TNK2: variants seen among roughly 807,000 people sequenced by gnomAD.
TNK2 encodes activated CDC42 kinase 1.
In TNK2, 83 loss-of-function variants were observed where a neutral mutation model predicts 101.8. That is an observed-to-expected ratio of 0.82 (90% CI 0.68 to 0.98). The LOEUF (loss-of-function observed/expected upper bound fraction) is 0.98, where lower values mean the gene tolerates loss of function less well. Among genes scored for constraint, TNK2 ranks in the 50% least tolerant of loss-of-function variants. TNK2 has a pLI of 0.00. For synonymous variants in TNK2, 804 were observed against 633.0 expected (o/e 1.27, Z -4.06); for missense variants, 1,665 against 1,483.2 (o/e 1.12, Z -2.01).
At chr3:195,873,618 TCTC>T (rs908694859) in intron 9 of TNK2, among the ~76,000 whole-genome samples, 1 of 152,026 alleles carries the variant, frequency 6.6e-6, no homozygotes, top group Non-Finnish European at 1.5e-5. Context: ...AACCCCCACT[TCTC>T]CTGTCCCAGG....
intron 1 of TNK2, among the ~76,000 whole-genome samples, chr3:195,894,956 G>A (rs143026587): frequency 6.6e-6 from 1 of 152,210 alleles, no homozygotes. Context: ...TCTCCTAAAA[G>A]ACTGAACCCC....
chr3:195,882,082 T>G lies in TNK2; in HGVS notation c.856A>C (p.Met286Leu), dbSNP rs771739935. ...AAGGGCACCTTGCGATGTTCCTGCATGACGTAATGGTCGTCATTCTGAGGT... is the reference window on the plus strand; with the variant it reads ...AAGGGCACCTTGCGATGTTCCTGCAGGACGTAATGGTCGTCATTCTGAGGT... ...ALPQNDDHYV[M>L]QEHRKVPFAW... The change falls in exon 6 of 16, where the codon ATG becomes CTG. Residue 286 changes from methionine (M) to leucine (L), a missense_variant. Physicochemically the swap from Met to Leu is conservative, Grantham distance 15. Transcript: ENST00000672887. This position sits in a 1 kb window ranked among gnomAD's most constrained non-coding sequence, Gnocchi z 4.2. The G allele has an allele frequency of 3.1e-6, 5 of 1,612,222 alleles. No homozygotes were observed. In the Admixed American group the frequency reaches 6.7e-5, roughly 21 times the overall value.
At chr3:195,907,333 C>T (rs550087964) in intron 1 of TNK2, among the ~76,000 whole-genome samples, 18 of 152,274 alleles carry the variant, frequency 1.2e-4, no homozygotes, top group Admixed American at 3.3e-4. Flanking sequence ...GCGGGCTAAC[C>T]GGCTCCTCCA....
Position 195,878,593 on chromosome 3 carries a change from C to G in TNK2, c.1015-1G>C, listed in dbSNP as rs539134756. On this transcript the variant is annotated splice_acceptor_variant, in intron 7 of 15. Transcript: ENST00000672887. LOFTEE classifies it high-confidence loss of function. The surrounding 1 kb of genome is among the most constrained non-coding windows in gnomAD (Gnocchi z 4.7). ...CCTCCTTGTCGATCTTATGCAGGAT[C>G]TGAAGGTGAGGAGGTGCAGAGTTTG... 6.2e-7 allele frequency: 1 copy of G among 1,612,038 alleles called. No homozygotes were observed. The highest frequency in any genetic ancestry group is 8.5e-7 in the Non-Finnish European group (1 of 1,179,462).
rs564644836 is a variant in TNK2 at position 195,867,983 on chromosome 3, G to A, written c.2315C>T (p.Ser772Phe). The change falls in exon 13 of 16, where the codon TCT becomes TTT. Residue 772 changes from serine (S) to phenylalanine (F), a missense_variant. By Grantham distance (155) the Ser-to-Phe change is radical (BLOSUM62 -2). Coordinates refer to ENST00000672887, the MANE Select transcript of TNK2 (RefSeq NM_001382273.1). ...CTCCTCCTCGCCCGGGGGGGCTGGA[G>A]ACAGCTGGACGTGTGGGCGCGTGGG... ...PRPTRPHVQL[S>F]PAPPGEEETS... 1.9e-6 allele frequency: 3 copies of A among 1,552,122 alleles called. No homozygotes were observed. Among genetic ancestry groups the A allele is most frequent in the Middle Eastern group, 1.7e-4 (1 of 5,896 alleles).
At chr3:195,903,843 T>G (rs760008881) in intron 1 of TNK2, among the ~76,000 whole-genome samples, 1 of 152,166 alleles carries the variant, frequency 6.6e-6, no homozygotes, top group African/African-American at 2.4e-5. Flanking sequence ...GCGCCCTATG[T>G]AGAAAATCCA....
intron 2 of TNK2, among the ~76,000 whole-genome samples, chr3:195,887,734 TG>T (rs936008905): frequency 6.6e-6 from 1 of 151,572 alleles, no homozygotes; most frequent in Admixed American, 6.6e-5. Flanking sequence ...CCTGTGTGTA[TG>T]TGCGTGTGTG....
Position 195,864,074 on chromosome 3 carries a change from G to GGA in TNK2, c.*105_*106dup. On this transcript the variant is annotated 3_prime_UTR_variant, in exon 16 of 16. Transcript: ENST00000672887. Reference sequence around the variant, plus strand: ...CCTTGCTCCATCCCCGGGAGCAGCAGGAGCAGCGGGTCCTCCAGGACTGGA... The same window carrying GGA: ...CCTTGCTCCATCCCCGGGAGCAGCAGGAGAGCAGCGGGTCCTCCAGGACTGGA... The GGA allele has an allele frequency of 6.7e-7, 1 of 1,496,968 alleles. No individual in the cohort carries two copies. Among genetic ancestry groups the GGA allele is most frequent in the South Asian group, 1.2e-5 (1 of 86,070 alleles). The allele number at this position is 1,496,968 out of a possible 1,614,324, so 92.7% of individuals were successfully genotyped here. A position where few individuals can be genotyped will look rare whatever the true frequency, so the allele number is the denominator to read the frequency against.
chr3:195,892,786 G>A, intron 1 of TNK2: 2 of 1,156,348 alleles, frequency 1.7e-6, no homozygotes, highest in Middle Eastern at 3.4e-4. Flanking sequence ...CCACCCAACT[G>A]CCCGCCCGGC....
chr3:195,866,069 T>C (rs1740640132), intron 15 of TNK2, among the ~76,000 whole-genome samples: 1 of 152,244 alleles, frequency 6.6e-6, no homozygotes, highest in Admixed American at 6.5e-5. Context: ...CTTTTTGACT[T>C]GACAGCGCTC....
Position 195,867,976 on chromosome 3 carries a change from G to C in TNK2, c.2322C>G (p.Ala774=), listed in dbSNP as rs751022637. The change falls in exon 13 of 16, where the codon GCC becomes GCG. Residue 774 remains alanine (A), a synonymous_variant. Transcript: ENST00000672887. ...PTRPHVQLSP[A]PPGEEETSQW... is the part of the protein sequence containing the mutation. ...GGCTGGTCTCCTCCTCGCCCGGGGG[G>C]GCTGGAGACAGCTGGACGTGTGGGC... The C allele has an allele frequency of 9.0e-6, 14 of 1,550,440 alleles. No homozygotes were observed. The highest frequency in any genetic ancestry group is 2.4e-5 in the South Asian group (2 of 84,420).
intron 9 of TNK2, among the ~76,000 whole-genome samples, chr3:195,873,261 G>A (rs1036661425): frequency 6.6e-6 from 1 of 152,238 alleles, no homozygotes; most frequent in East Asian, 1.9e-4. Context: ...CCTAAGCCGG[G>A]GCCTGGGCAG....
intron 9 of TNK2, 159 bp from the exon 10 acceptor site, chr3:195,872,629 G>A: frequency 1.4e-6 from 1 of 709,892 alleles, no homozygotes; most frequent in Non-Finnish European, 2.3e-6. Context: ...CAGCCCCCGT[G>A]ACCCACCATG....
chr3:195,877,840 C>T (rs902500067), intron 9 of TNK2, among the ~76,000 whole-genome samples: 4 of 152,064 alleles, frequency 2.6e-5, no homozygotes, highest in Non-Finnish European at 5.9e-5. Context: ...TGCAAGAGGG[C>T]AGGCTGGGCT....
In TNK2 at chr3:195,867,685, G is replaced by A; in HGVS notation, c.2613C>T (p.Ser871=). ...PIVRDGKKVS[S]THYYLLPERP... Reference sequence around the variant, plus strand: ...GCTCGGGCAGCAAGTAATAGTGGGTGCTGCTGACCTTCTTGCCATCCCGGA... The same window carrying A: ...GCTCGGGCAGCAAGTAATAGTGGGTACTGCTGACCTTCTTGCCATCCCGGA... Residue 871 remains serine (S), a synonymous_variant, in exon 13 of 16, where the codon AGC becomes AGT. Transcript: ENST00000672887. 11 of 1,608,660 alleles carry A rather than the reference G, an allele frequency of 6.8e-6. No individual in the cohort carries two copies. Among genetic ancestry groups the A allele is most frequent in the Non-Finnish European group, 9.3e-6 (11 of 1,179,330 alleles).
chr3:195,892,526 A>T, intron 1 of TNK2: 1 of 1,531,780 alleles, frequency 6.5e-7, no homozygotes. Flanking sequence ...GTCACTGGGG[A>T]TCCAGTGGCC....
intron 1 of TNK2, among the ~76,000 whole-genome samples, chr3:195,900,054 CA>C (rs1186442101): frequency 6.6e-6 from 1 of 152,182 alleles, no homozygotes; most frequent in Non-Finnish European, 1.5e-5. Flanking sequence ...ACCCCAGACC[CA>C]CTAAGCAACT....
chr3:195,895,126 C>A (rs1192827696), intron 1 of TNK2: 3 of 954,312 alleles, frequency 3.1e-6, no homozygotes, highest in African/African-American at 3.5e-5. Flanking sequence ...TGTCCCCTGG[C>A]CCAGGAGCAG....
rs1203828910 is a variant in TNK2, at chr3:195,870,156, G to T, written c.1501C>A (p.Leu501Met). 20 of 1,503,844 alleles carry T rather than the reference G, an allele frequency of 1.3e-5. No individual in the cohort carries two copies. Among genetic ancestry groups the T allele is most frequent in the Non-Finnish European group, 1.8e-5 (20 of 1,119,704 alleles). 93.2% of individuals were successfully genotyped at this position (1,503,844 alleles called of 1,614,324 possible). A position where few individuals can be genotyped will look rare whatever the true frequency, so the allele number is the denominator to read the frequency against. ...TGCTGGGGGGGCCGGGAGGTGCTCA[G>T]TTCCACGCTCAGGAGGTCGGGGGGG... ...MDPPDLLSVELSTSRPPQHLG... is the reference protein window; with the variant it reads ...MDPPDLLSVEMSTSRPPQHLG... Residue 501 changes from leucine (L) to methionine (M), a missense_variant, in exon 11 of 16, where the codon CTG becomes ATG. By Grantham distance (15) the Leu-to-Met change is conservative. This residue lies in a region of TNK2 where 1,136 missense variants were observed against 894.9 expected (regional missense o/e 1.27). Transcript: ENST00000672887.
Sources: gnomAD v4.1 joint callset for allele counts (sites outside exome capture counted in the v4.1 genomes callset) on GRCh38, gnomAD v4.1.1 for gene constraint, gnomAD v4.1.1 regional missense constraint, Gnocchi (gnomAD v3.1) non-coding constraint, MANE v1.5 for transcripts, NCBI Gene and HGNC (gene_info 2026-07-23, HGNC 2026-07-21) for gene names.